TULP1: variants seen among roughly 807,000 people sequenced by gnomAD.
The protein encoded by TULP1 is TUB like protein 1.
A neutral mutation model predicts 67.1 loss-of-function variants in TULP1; 50 were observed. The ratio of observed to expected loss-of-function variants is 0.75; its 90% confidence interval spans 0.59 to 0.94. The LOEUF (loss-of-function observed/expected upper bound fraction) is 0.94, where lower values mean the gene tolerates loss of function less well. Ranked by LOEUF, TULP1 falls within the 40% of genes least tolerant of loss-of-function variation. The pLI, the probability that TULP1 is intolerant of heterozygous loss-of-function variation, is 0.00. For missense variants in TULP1, 746 were observed against 734.1 expected (o/e 1.02, Z -0.19); for synonymous variants, 297 against 294.0 (o/e 1.01, Z -0.11).
rs763272975 is a variant in TULP1 at position 35,505,806 on chromosome 6, A to G, written c.1047T>C (p.Asn349=). The G allele has an allele frequency of 1.2e-6, 2 of 1,614,144 alleles. No individual in the cohort carries two copies. Among genetic ancestry groups the G allele is most frequent in the Non-Finnish European group, 1.7e-6 (2 of 1,180,036 alleles). The part of the protein sequence containing the change: ...GRKRKRSKTA[N]YLISIDPTNL... ...TGGTAGGGTCGATGGAGATGAGGTA[A>G]TTGGCTGTCTTGCTCCGTTTTCGTT... The change falls in exon 11 of 15, where the codon AAT becomes AAC. Residue 349 remains asparagine, a synonymous_variant. Coordinates refer to ENST00000229771, the MANE Select transcript of TULP1 (RefSeq NM_003322.6).
intron 11 of TULP1, among the ~76,000 whole-genome samples, chr6:35,504,884 A>G (rs1438440822): frequency 1.3e-5 from 2 of 151,806 alleles, no homozygotes; most frequent in African/African-American, 2.4e-5. Flanking sequence ...ACTTAGAATC[A>G]CACCTGACAC....
intron 8 of TULP1, among the ~76,000 whole-genome samples, chr6:35,507,383 G>A (rs1278115233): frequency 2.6e-5 from 4 of 151,878 alleles, no homozygotes; most frequent in African/African-American, 9.7e-5. Flanking sequence ...AGCTTCCTCC[G>A]AGACCCTGAG....
Position 35,497,901 on chromosome 6 carries a change from ATG to A in TULP1, c.*424_*425del, listed in dbSNP as rs1768729863. ...GGCCAAGGACGCGGCTTTATTGGGG[ATG>A]TGGGTGCCTGGCCCTCGTCCCCCAT... On this transcript the variant is annotated 3_prime_UTR_variant, in exon 15 of 15. Transcript: ENST00000229771. 1 of 229,524 alleles carries A rather than the reference ATG, an allele frequency of 4.4e-6. No individual in the cohort carries two copies. 14.2% of individuals were successfully genotyped at this position (229,524 alleles called of 1,614,324 possible). A position where few individuals can be genotyped will look rare whatever the true frequency, so the allele number is the denominator to read the frequency against.
At chr6:35,512,013 A>ACCAACC (rs1176813227) in intron 3 of TULP1, 167 bp downstream of exon 3, 12 of 545,498 alleles carry the variant, frequency 2.2e-5, no homozygotes, top group African/African-American at 8.9e-5. Flanking sequence ...CCCCTTCTAC[A>ACCAACC]CCAACCCCAA....
At position 35,498,826 on chromosome 6, in the gene TULP1, C is replaced by T. The variant is rs1297950974; in HGVS notation, c.1496-366G>A. ...CAGTCTTTCCTCCTATCCCCAGCCA[C>T]GAAGTCCCACCTTAGACCCCAGCTC... On this transcript the variant is annotated intron_variant, in intron 14 of 14. Transcript: ENST00000229771. The surrounding 1 kb of genome is among the most constrained non-coding windows in gnomAD (Gnocchi z 6.7). Among the ~76,000 whole-genome samples the T allele has an allele frequency of 6.6e-6, 1 of 152,170 alleles. No individual in the cohort carries two copies. The highest frequency in any genetic ancestry group is 1.5e-5 in the Non-Finnish European group (1 of 68,036).
In TULP1 at chr6:35,511,676, C is replaced by T. The variant is rs1408388313; in HGVS notation, c.321G>A (p.Leu107=). The T allele has an allele frequency of 1.3e-6, 2 of 1,596,440 alleles. No individual in the cohort carries two copies. The highest frequency in any genetic ancestry group is 2.7e-5 in the African/African-American group (2 of 74,534). The change falls in exon 4 of 15, where the codon CTG becomes CTA. Residue 107 remains leucine, a synonymous_variant. Coordinates refer to ENST00000229771, the MANE Select transcript of TULP1 (RefSeq NM_003322.6). ...CCTCCGCGTCTGGGGCACGGGCTAC[C>T]AGAAAGGTTTCCCGGGGGTCGCGCT... The part of the protein sequence containing the change: ...AKKRDPRETF[L]VARAPDAEDE...
rs915660186 is a variant in TULP1, at chr6:35,499,000, C to G, written c.1496-540G>C. ...AAAAATACCCCCAAACTCAGGTGGA[C>G]GAGGCTCCACCAGAAACGTGATCTG... is the stretch of plus-strand genomic sequence containing the variant. On this transcript the variant is annotated intron_variant, in intron 14 of 14. Coordinates refer to ENST00000229771, the MANE Select transcript of TULP1 (RefSeq NM_003322.6). This position sits in a 1 kb window ranked among gnomAD's most constrained non-coding sequence, Gnocchi z 6.7. Among the ~76,000 whole-genome samples the G allele has an allele frequency of 6.6e-6, 1 of 152,118 alleles. No individual in the cohort carries two copies. Among genetic ancestry groups the G allele is most frequent in the Non-Finnish European group, 1.5e-5 (1 of 68,018 alleles).
At chr6:35,512,106 C>A in intron 3 of TULP1, 74 bp downstream of exon 3, 1 of 989,280 alleles carries the variant, frequency 1.0e-6, no homozygotes, top group Non-Finnish European at 1.4e-6. Flanking sequence ...CGGCGACACC[C>A]GCGCCGGCCC....
Position 35,500,047 on chromosome 6 carries a change from G to A in TULP1, c.1429C>T (p.Leu477Phe). ...VWNDDSGSYT[L>F]NFQGRVTQAS... ...TGGGTGACCCGGCCTTGGAAGTTGAGGGTGTAGGAGCCACTGTCATCGTTC... is the reference window on the plus strand; with the variant it reads ...TGGGTGACCCGGCCTTGGAAGTTGAAGGTGTAGGAGCCACTGTCATCGTTC... The change falls in exon 14 of 15, where the codon CTC (leucine) becomes TTC (phenylalanine). Residue 477 changes from leucine to phenylalanine, a missense_variant. By Grantham distance (22) the Leu-to-Phe change is conservative (BLOSUM62 0). Coordinates refer to ENST00000229771, the MANE Select transcript of TULP1 (RefSeq NM_003322.6). The A allele has an allele frequency of 6.2e-7, 1 of 1,614,216 alleles. No individual in the cohort carries two copies. Among genetic ancestry groups the A allele is most frequent in the South Asian group, 1.1e-5 (1 of 91,084 alleles).
Position 35,509,916 on chromosome 6 carries a change from C to T in TULP1, c.512G>A (p.Ser171Asn). The T allele has an allele frequency of 6.2e-7, 1 of 1,613,786 alleles. No homozygotes were observed. The highest frequency in any genetic ancestry group is 8.5e-7 in the Non-Finnish European group (1 of 1,179,994). Residue 171 changes from serine (S) to asparagine (N), a missense_variant, in exon 6 of 15, where the codon AGC (serine) becomes AAC (asparagine). Ser to Asn is a conservative substitution (Grantham distance 46). This residue lies in a region of TULP1 where 359 missense variants were observed against 341.9 expected (regional missense o/e 1.05). Coordinates refer to ENST00000229771, the MANE Select transcript of TULP1 (RefSeq NM_003322.6). ...CAGAGGTTTCGGTGGGGGGTCAGGG[C>T]TTCCCAGGTCTCCTGGAAATGGAAG... is the stretch of plus-strand genomic sequence containing the variant. ...KAQGPRGDLG[S>N]PDPPPKPLRV...
chr6:35,505,644 T>A (rs1258732699), intron 11 of TULP1, 97 bp downstream of exon 11: 1 of 1,566,504 alleles, frequency 6.4e-7, no homozygotes, highest in Non-Finnish European at 8.7e-7. Context: ...GGGTGCCCAC[T>A]GTGGTGGGTG....
chr6:35,507,664 C>T (rs547250179), intron 8 of TULP1, among the ~76,000 whole-genome samples: 3 of 152,154 alleles, frequency 2.0e-5, no homozygotes, highest in Non-Finnish European at 4.4e-5. Flanking sequence ...TTCTATCCCT[C>T]ACAGGAAGGG....
rs1263886026 is a variant in TULP1, at chr6:35,512,695, G to A, written c.48-5C>T. Reference sequence around the variant, plus strand: ...AGGCTTTCTTCTTCATGCCCACTGAGGGTAGCAAAGGGATCAGCCTGTCTC... The same window carrying A: ...AGGCTTTCTTCTTCATGCCCACTGAAGGTAGCAAAGGGATCAGCCTGTCTC... On this transcript the variant is annotated splice_region_variant and splice_polypyrimidine_tract_variant and intron_variant, in intron 1 of 14. Coordinates refer to ENST00000229771, the MANE Select transcript of TULP1 (RefSeq NM_003322.6). 3.7e-6 allele frequency: 6 copies of A among 1,613,818 alleles called. No individual in the cohort carries two copies. Among genetic ancestry groups the A allele is most frequent in the African/African-American group, 2.7e-5 (2 of 74,858 alleles).
chr6:35,505,604 C>T (rs777339206), intron 11 of TULP1, 137 bp downstream of exon 11: 48 of 1,539,294 alleles, frequency 3.1e-5, no homozygotes, highest in Admixed American at 1.6e-4. Flanking sequence ...TACATCAAAG[C>T]GAGAGGCCCT....
At position 35,503,546 on chromosome 6, in the gene TULP1, G is replaced by A. The variant is rs1042538349; in HGVS notation, c.1323+13C>T. The A allele has an allele frequency of 6.4e-7, 1 of 1,557,818 alleles. No individual in the cohort carries two copies. Among genetic ancestry groups the A allele is most frequent in the Admixed American group, 1.9e-5 (1 of 51,862 alleles). ...ACATAGGGAGCCAGGGGCCAGGGAG[G>A]TGCGGGGCTCACATTTCGGGGCCGG... On this transcript the variant is annotated intron_variant, in intron 13 of 14. Transcript: ENST00000229771. This position sits in a 1 kb window ranked among gnomAD's most constrained non-coding sequence, Gnocchi z 4.0.
At chr6:35,511,895 C>T in intron 3 of TULP1, 89 bp from the exon 4 acceptor site, 1 of 1,390,880 alleles carries the variant, frequency 7.2e-7, no homozygotes, top group South Asian at 1.5e-5. Flanking sequence ...CTGGGCGCAC[C>T]CCCTCGGGCT....
chr6:35,506,693 G>C (rs1761095608), intron 8 of TULP1, among the ~76,000 whole-genome samples: 1 of 152,214 alleles, frequency 6.6e-6, no homozygotes, highest in Non-Finnish European at 1.5e-5. Context: ...CACTGCGATA[G>C]TCATCCCCAT....
At chr6:35,509,170 C>T (rs1761140439) in intron 8 of TULP1, 39 bp downstream of exon 8, 1 of 1,588,346 alleles carries the variant, frequency 6.3e-7, no homozygotes, top group Non-Finnish European at 8.6e-7. Flanking sequence ...CCTCTGCTCC[C>T]TGAAGGGACC....
chr6:35,503,909 C>T lies in TULP1; in HGVS notation c.1113-61G>A. ...GGATCCTACATCCCTGCCCCAGGCCCCTTCCACACAGCCAAGCAGTTTAGA... is the reference window on the plus strand; with the variant it reads ...GGATCCTACATCCCTGCCCCAGGCCTCTTCCACACAGCCAAGCAGTTTAGA... On this transcript the variant is annotated intron_variant, in intron 11 of 14. Transcript: ENST00000229771. The surrounding 1 kb of genome is among the most constrained non-coding windows in gnomAD (Gnocchi z 4.0). 2 of 1,335,540 alleles carry T rather than the reference C, an allele frequency of 1.5e-6. No homozygotes were observed. Among genetic ancestry groups the T allele is most frequent in the South Asian group, 1.2e-5 (1 of 80,460 alleles). The allele number at this position is 1,335,540 out of a possible 1,614,324, so 82.7% of individuals were successfully genotyped here.
Sources: gnomAD v4.1 joint callset for allele counts (sites outside exome capture counted in the v4.1 genomes callset) on GRCh38, gnomAD v4.1.1 for gene constraint, gnomAD v4.1.1 regional missense constraint, Gnocchi (gnomAD v3.1) non-coding constraint, MANE v1.5 for transcripts, NCBI Gene and HGNC (gene_info 2026-07-23, HGNC 2026-07-21) for gene names.